INTS1: variants seen among roughly 807,000 people sequenced by gnomAD.
INTS1 encodes integrator complex subunit 1.
A neutral mutation model predicts 241.6 loss-of-function variants in INTS1; 137 were observed. The ratio of observed to expected loss-of-function variants is 0.57; its 90% CI spans 0.49 to 0.65. The LOEUF is 0.65. Among genes scored for constraint, INTS1 ranks in the 30% least tolerant of loss-of-function variants. The pLI is 0.00. For missense variants in INTS1, 3,073 were observed against 3,032.2 expected, an observed-to-expected ratio of 1.01 and a Z score of -0.32; for synonymous variants, 1,692 against 1,337.8, an observed-to-expected ratio of 1.26 and a Z score of -5.78.
chr7:1,498,915 G>T lies in INTS1; in HGVS notation c.1137+60C>A, dbSNP rs559229773. 19 of 1,537,982 alleles carry T rather than the reference G, an allele frequency of 1.2e-5. No homozygotes were observed. The South Asian group carries it at 1.7e-4, about 14-fold the overall frequency. ...CCCCGGCAGGAAGACCACGCTGTGG[G>T]GCCACACAGAGCCTGCCCCCACCCC... On this transcript the variant is annotated intron_variant, in intron 8 of 47. Coordinates refer to ENST00000404767, the MANE Select transcript of INTS1 (RefSeq NM_001080453.3).
Position 1,471,193 on chromosome 7 carries a change from T to TCGG in INTS1, c.6284_6286dup (p.Ala2095dup). On this transcript the variant is annotated inframe_insertion, in exon 46 of 48. Transcript: ENST00000404767. ...GAAGGCGAGGTTGCGGCAACACTCC[T>TCGG]CGGCCGAGCTCATCAGCCGCTGCAG... 6.3e-7 allele frequency: 1 copy of TCGG among 1,582,230 alleles called. No individual in the cohort carries two copies.
In INTS1 at chr7:1,470,498, C is replaced by G. The variant is rs1037886838; in HGVS notation, c.*79G>C. On this transcript the variant is annotated 3_prime_UTR_variant, in exon 48 of 48. Coordinates refer to ENST00000404767, the MANE Select transcript of INTS1 (RefSeq NM_001080453.3). Reference sequence around the variant, plus strand: ...CCTCCTCGGACAGACCAGCAACGCCCACGCTTCCTGGGCTTTGCCTCGAGG... The same window carrying G: ...CCTCCTCGGACAGACCAGCAACGCCGACGCTTCCTGGGCTTTGCCTCGAGG... 4 of 1,145,872 alleles carry G rather than the reference C, an allele frequency of 3.5e-6. No homozygotes were observed. The African/African-American group carries it at 6.2e-5, about 18-fold the overall frequency. The allele number at this position is 1,145,872 out of a possible 1,614,324, so 71.0% of individuals were successfully genotyped here.
Position 1,478,831 on chromosome 7 carries a change from G to A in INTS1, c.4384C>T (p.Gln1462Ter). The change falls in exon 32 of 48, where the codon CAG (glutamine) becomes TAG (stop). Residue 1462 changes from glutamine (Q) to a stop codon, truncating the protein, a stop_gained. Coordinates refer to ENST00000404767, the MANE Select transcript of INTS1 (RefSeq NM_001080453.3). LOFTEE classifies it high-confidence loss of function. Reference protein sequence around the residue: ...FSSLFLKVLLQMLQWLDSPGV... With the variant: ...FSSLFLKVLL ...GGGCTGTCCAGCCACTGCAGCATCT[G>A]CAGGAGCACCTTCAGGAAGAGCGAG... The A allele has an allele frequency of 6.2e-7, 1 of 1,610,552 alleles. No individual in the cohort carries two copies. The highest frequency in any genetic ancestry group is 8.5e-7 in the Non-Finnish European group (1 of 1,178,850).
Position 1,497,560 on chromosome 7 carries a change from A to G in INTS1, c.1426-246T>C, listed in dbSNP as rs1363079721. ...CGGTCCTCGTGAAATGAGGAGGATTAATTAACGGAAGCTGGGGGTGCGGGA... is the reference window on the plus strand; with the variant it reads ...CGGTCCTCGTGAAATGAGGAGGATTGATTAACGGAAGCTGGGGGTGCGGGA... On this transcript the variant is annotated intron_variant, in intron 10 of 47. Coordinates refer to ENST00000404767, the MANE Select transcript of INTS1 (RefSeq NM_001080453.3). The surrounding 1 kb of genome is among the most constrained non-coding windows in gnomAD (Gnocchi z 5.3). Among the ~76,000 whole-genome samples the G allele has an allele frequency of 1.3e-5, 2 of 152,080 alleles. No individual in the cohort carries two copies. Among genetic ancestry groups the G allele is most frequent in the Admixed American group, 6.5e-5 (1 of 15,274 alleles).
In INTS1 at chr7:1,476,560, CAA is replaced by C. The variant is rs1562488432; in HGVS notation, c.5151+8_5151+9del. 1.2e-6 allele frequency: 2 copies of C among 1,612,470 alleles called. No homozygotes were observed. On this transcript the variant is annotated splice_region_variant and intron_variant, in intron 37 of 47. Transcript: ENST00000404767. ...CCCTCTCCCGGATGGGCCACCCTCC[CAA>C]GACCTGCCTGCGGGGTGCGCTGGTC... is the stretch of plus-strand genomic sequence containing the variant.
chr7:1,479,986 GCCA>G (rs1781918057), intron 30 of INTS1, among the ~76,000 whole-genome samples: 1 of 152,232 alleles, frequency 6.6e-6, no homozygotes, highest in Non-Finnish European at 1.5e-5. Flanking sequence ...GGCTCCAACA[GCCA>G]GACCTCAGGC....
chr7:1,496,564 A>T (rs1782870394), intron 11 of INTS1, among the ~76,000 whole-genome samples: 1 of 152,116 alleles, frequency 6.6e-6, no homozygotes, highest in Non-Finnish European at 1.5e-5. Context: ...ACACACAAGC[A>T]GGGATCCAGA....
Position 1,483,631 on chromosome 7 carries a change from G to C in INTS1, c.3541+111C>G, listed in dbSNP as rs149846225. On this transcript the variant is annotated intron_variant, in intron 26 of 47. Transcript: ENST00000404767. ...AGCCAGGACACAGGGTTGAAGGGCT[G>C]GGGGGCTTCCCGCCCAGAAGCAAGG... The C allele has an allele frequency of 7.6e-4, 609 of 805,658 alleles. 6 individuals carry two copies. The East Asian group carries it at 0.016, about 21-fold the overall frequency. 49.9% of individuals were successfully genotyped at this position (805,658 alleles called of 1,614,324 possible). A position where few individuals can be genotyped will look rare whatever the true frequency, so the allele number is the denominator to read the frequency against.
Position 1,477,809 on chromosome 7 carries a change from C to T in INTS1, c.4758G>A (p.Leu1586=). 1 of 1,612,580 alleles carries T rather than the reference C, an allele frequency of 6.2e-7. No homozygotes were observed. Among genetic ancestry groups the T allele is most frequent in the Non-Finnish European group, 8.5e-7 (1 of 1,179,838 alleles). The change falls in exon 34 of 48, where the codon CTG becomes CTA. Residue 1586 remains leucine (L), a synonymous_variant. Coordinates refer to ENST00000404767, the MANE Select transcript of INTS1 (RefSeq NM_001080453.3). ...ACKPVVVVSS[L]LLQEEEPLAG... The stretch of plus-strand genomic sequence containing the variant: ...CCAGGGGCTCCTCCTCCTGCAGCAG[C>T]AGGGAGCTCACCACCACAACGGGCT...
chr7:1,497,363 T>C lies in INTS1; in HGVS notation c.1426-49A>G. The C allele has an allele frequency of 6.4e-7, 1 of 1,564,318 alleles. No individual in the cohort carries two copies. Among genetic ancestry groups the C allele is most frequent in the Non-Finnish European group, 8.7e-7 (1 of 1,153,908 alleles). On this transcript the variant is annotated intron_variant, in intron 10 of 47. Coordinates refer to ENST00000404767, the MANE Select transcript of INTS1 (RefSeq NM_001080453.3). The surrounding 1 kb of genome is among the most constrained non-coding windows in gnomAD (Gnocchi z 5.3). ...GGAGGCTGCCCGACAGTGCTGTCCC[T>C]GTCACAGGCCCCTTCCCGCAGCACC...
chr7:1,477,175 C>T (rs1364624716), intron 35 of INTS1, among the ~76,000 whole-genome samples: 2 of 152,246 alleles, frequency 1.3e-5, no homozygotes, highest in African/African-American at 4.8e-5. Context: ...GGCCGTCCCT[C>T]CCTGGAGGAT....
In INTS1 at chr7:1,485,120, G is replaced by A. The variant is rs1349867103; in HGVS notation, c.3239C>T (p.Ala1080Val). ...CACCAGGGCCAGGTCGCTGTGCTGG[G>A]CCTGCTCCTCCACAGGCGTGTGCTG... ...LSQHTPVEEQ[A>V]QHSDLALDVA... is the part of the protein sequence containing the mutation. Residue 1080 changes from alanine (A) to valine (V), a missense_variant, in exon 24 of 48, where the codon GCC becomes GTC. Transcript: ENST00000404767. 1 of 1,600,412 alleles carries A rather than the reference G, an allele frequency of 6.2e-7. No individual in the cohort carries two copies. Among genetic ancestry groups the A allele is most frequent in the Non-Finnish European group, 8.5e-7 (1 of 1,179,234 alleles).
At chr7:1,503,764 T>A (rs1166927336) in intron 2 of INTS1, 139 bp downstream of exon 2, 1 of 649,362 alleles carries the variant, frequency 1.5e-6, no homozygotes, top group Non-Finnish European at 2.7e-6. Flanking sequence ...GAGAGCAGTG[T>A]TTCCAGACCG....
At position 1,498,807 on chromosome 7, in the gene INTS1, A is replaced by C; in HGVS notation, c.1183T>G (p.Cys395Gly). The C allele has an allele frequency of 6.2e-7, 1 of 1,605,232 alleles. No individual in the cohort carries two copies. The highest frequency in any genetic ancestry group is 1.3e-5 in the African/African-American group (1 of 74,878). Reference protein sequence around the residue: ...QDLLMSVCMNCNTHGSEDMDV... With the variant: ...QDLLMSVCMNGNTHGSEDMDV... ...ATGTCTTCGGAACCGTGCGTGTTGCAGTTCATGCAGACGGACATCAGCAGG... is the reference window on the plus strand; with the variant it reads ...ATGTCTTCGGAACCGTGCGTGTTGCCGTTCATGCAGACGGACATCAGCAGG... The change falls in exon 9 of 48, where the codon TGC becomes GGC. Residue 395 changes from cysteine (C) to glycine (G), a missense_variant. Cys to Gly is a radical substitution (Grantham distance 159). Transcript: ENST00000404767.
chr7:1,482,751 G>A (rs1782057660), intron 26 of INTS1, 44 bp from the exon 27 acceptor site: 4 of 1,598,638 alleles, frequency 2.5e-6, no homozygotes, highest in Non-Finnish European at 2.6e-6. Context: ...ACCCACCGGG[G>A]CCCAGCCCCA....
chr7:1,473,492 C>T (rs1781569651), intron 42 of INTS1, 74 bp downstream of exon 42: 1 of 1,520,064 alleles, frequency 6.6e-7, no homozygotes, highest in Non-Finnish European at 8.9e-7. Flanking sequence ...CACGGCCTTC[C>T]CAGGAACACC....
Position 1,480,762 on chromosome 7 carries a change from A to T in INTS1, c.3949+73T>A. Reference sequence around the variant, plus strand: ...CTGTGCAGGCCCCGTCCCCCTCCCCAGGCTGGGTCTCTGTGTTGGCCCCAC... The same window carrying T: ...CTGTGCAGGCCCCGTCCCCCTCCCCTGGCTGGGTCTCTGTGTTGGCCCCAC... On this transcript the variant is annotated intron_variant, in intron 29 of 47. Transcript: ENST00000404767. 4 of 1,234,704 alleles carry T rather than the reference A, an allele frequency of 3.2e-6. 1 individual carries two copies. In the South Asian group the frequency reaches 5.4e-5, roughly 17 times the overall value. 76.5% of individuals were successfully genotyped at this position (1,234,704 alleles called of 1,614,324 possible). A position where few individuals can be genotyped will look rare whatever the true frequency, so the allele number is the denominator to read the frequency against.
In INTS1 at chr7:1,474,713, C is replaced by T; in HGVS notation, c.5628G>A (p.Leu1876=). 6.4e-7 allele frequency: 1 copy of T among 1,560,426 alleles called. No individual in the cohort carries two copies. Among genetic ancestry groups the T allele is most frequent in the Non-Finnish European group, 8.7e-7 (1 of 1,154,382 alleles). ...CRKLAVAHPL[L]LLRHLPMIAA... The stretch of plus-strand genomic sequence containing the variant: ...GGCTTCTGGGACAGCACCTGAGCAG[C>T]AGCAGCGGGTGCGCCACCGCCAGCT... Residue 1876 remains leucine (L), a synonymous_variant, in exon 40 of 48, where the codon CTG becomes CTA. Coordinates refer to ENST00000404767, the MANE Select transcript of INTS1 (RefSeq NM_001080453.3).
At chr7:1,494,161 C>A (rs1386325444) in intron 14 of INTS1, among the ~76,000 whole-genome samples, 2 of 152,232 alleles carry the variant, frequency 1.3e-5, no homozygotes, top group African/African-American at 4.8e-5. Context: ...GATACACACA[C>A]AGTCACTGGT....
Sources: allele counts gnomAD v4.1 joint callset (sites outside exome capture counted in the v4.1 genomes callset), GRCh38; gene constraint gnomAD v4.1.1; non-coding constraint Gnocchi (gnomAD v3.1); transcripts MANE v1.5; gene names NCBI Gene and HGNC (gene_info 2026-07-23, HGNC 2026-07-21).